USP22: variants seen among roughly 807,000 people sequenced by gnomAD.
USP22 encodes ubiquitin carboxyl-terminal hydrolase 22.
USP22 carries 22 observed loss-of-function variants against 68.1 expected under a neutral mutation model. The ratio of observed to expected loss-of-function variants is 0.32; its 90% CI spans 0.23 to 0.46. The LOEUF is 0.46. Ranked by LOEUF, USP22 falls within the 20% of genes least tolerant of loss-of-function variation. The pLI, the probability that USP22 is intolerant of heterozygous loss-of-function variation, is 1.00. For synonymous variants in USP22, 279 were observed against 274.2 expected (o/e 1.02, Z -0.17); for missense variants, 433 against 695.8 (o/e 0.62, Z 4.25).
intron 4 of USP22, among the ~76,000 whole-genome samples, chr17:21,018,781 T>C (rs149801269): frequency 6.6e-6 from 1 of 152,306 alleles, no homozygotes; most frequent in East Asian, 1.9e-4. Flanking sequence ...ACACATCATT[T>C]CTCTCCCTGA....
intron 2 of USP22, among the ~76,000 whole-genome samples, chr17:21,026,844 C>A (rs990148521): frequency 2.7e-5 from 4 of 150,918 alleles, no homozygotes; most frequent in African/African-American, 9.8e-5. Flanking sequence ...CTGTGTTGTC[C>A]AGGCTGGAGT....
At chr17:21,029,134 G>A (rs1156886984) in intron 1 of USP22, among the ~76,000 whole-genome samples, 1 of 152,184 alleles carries the variant, frequency 6.6e-6, no homozygotes, top group African/African-American at 2.4e-5. Flanking sequence ...ATGTACAGAA[G>A]AAAGAAAAAG....
rs1038932014 is a variant in USP22, at chr17:21,001,719, C to G, written c.*1312G>C. 18 of 152,336 alleles carry G rather than the reference C, an allele frequency of 1.2e-4. No individual in the cohort carries two copies. The South Asian group carries it at 1.2e-3, about 11-fold the overall frequency. 9.4% of individuals were successfully genotyped at this position (152,336 alleles called of 1,614,324 possible). ...TGGGACAAGCACAGCCCGAGACACA[C>G]TTGCTTCATAAACTGTATTTCAGTA... On this transcript the variant is annotated 3_prime_UTR_variant, in exon 13 of 13. Transcript: ENST00000261497.
At chr17:21,030,420 G>A (rs969944436) in intron 1 of USP22, among the ~76,000 whole-genome samples, 3 of 151,980 alleles carry the variant, frequency 2.0e-5, no homozygotes, top group Non-Finnish European at 4.4e-5. Flanking sequence ...GCATGCACAC[G>A]TGTACTTGTG....
intron 6 of USP22, among the ~76,000 whole-genome samples, chr17:21,015,207 G>A (rs953564857): frequency 5.9e-5 from 9 of 152,184 alleles, no homozygotes; most frequent in Non-Finnish European, 1.2e-4. Context: ...AATCATCAGG[G>A]TACCACCCTG....
chr17:21,020,999 T>G, intron 3 of USP22, 114 bp downstream of exon 3: 1 of 802,008 alleles, frequency 1.2e-6, no homozygotes, highest in Non-Finnish European at 2.1e-6. Context: ...GACGGCCTCT[T>G]CCCACCAGCC....
chr17:21,017,213 CAT>C (rs1350343406), intron 5 of USP22, among the ~76,000 whole-genome samples: 1 of 152,236 alleles, frequency 6.6e-6, no homozygotes, highest in Non-Finnish European at 1.5e-5. Context: ...ACCAGACAGA[CAT>C]GAGTGAGCTG....
At chr17:21,030,368 TTG>T (rs3047596) in intron 1 of USP22, among the ~76,000 whole-genome samples, 47 of 150,842 alleles carry the variant, frequency 3.1e-4, no homozygotes, top group Middle Eastern at 3.4e-3. Flanking sequence ...CTCAGGCCGC[TTG>T]TGTGTGTGTG....
rs1315570761 is a variant in USP22, at chr17:21,001,890, G to A, written c.*1141C>T. 6.6e-6 allele frequency: 1 copy of A among 152,206 alleles called. No individual in the cohort carries two copies. Among genetic ancestry groups the A allele is most frequent in the Non-Finnish European group, 1.5e-5 (1 of 68,042 alleles). The allele number at this position is 152,206 out of a possible 1,614,324, so 9.4% of individuals were successfully genotyped here. A position where few individuals can be genotyped will look rare whatever the true frequency, so the allele number is the denominator to read the frequency against. On this transcript the variant is annotated 3_prime_UTR_variant, in exon 13 of 13. Transcript: ENST00000261497. ...TTCTACTTTCTCTTTCAGCTCTGCT[G>A]ACAAGCTCAATCACGGTGTCATTTT...
rs556679286 is a variant in USP22, at chr17:21,004,057, T to C, written c.1535+145A>G. On this transcript the variant is annotated intron_variant, in intron 12 of 12. Coordinates refer to ENST00000261497, the MANE Select transcript of USP22 (RefSeq NM_015276.2). ...TGAGCACCCATCGAGGCTGGCATCC[T>C]ATCCAGAACAGGCTTCATTACTTCG... is the stretch of plus-strand genomic sequence containing the variant. 3.4e-6 allele frequency: 4 copies of C among 1,186,048 alleles called. No individual in the cohort carries two copies. In the East Asian group the frequency reaches 1.0e-4, roughly 30 times the overall value. The allele number at this position is 1,186,048 out of a possible 1,614,324, so 73.5% of individuals were successfully genotyped here.
chr17:21,014,013 G>C (rs181701189), intron 6 of USP22, among the ~76,000 whole-genome samples: 48 of 152,372 alleles, frequency 3.2e-4, no homozygotes, highest in Non-Finnish European at 2.9e-4. Context: ...GGCGGAGGTT[G>C]CAGTGAGCTG....
At chr17:21,039,198 G>T (rs1049342143) in intron 1 of USP22, among the ~76,000 whole-genome samples, 2 of 151,780 alleles carry the variant, frequency 1.3e-5, no homozygotes, top group African/African-American at 4.8e-5. Flanking sequence ...TGATCCGCCC[G>T]CCTCGGCCTC....
intron 2 of USP22, among the ~76,000 whole-genome samples, chr17:21,023,065 C>G (rs1044274883): frequency 2.0e-5 from 3 of 152,136 alleles, no homozygotes; most frequent in African/African-American, 7.2e-5. Flanking sequence ...CCTTAGAAAA[C>G]TAACATAGGA....
intron 6 of USP22, among the ~76,000 whole-genome samples, chr17:21,013,793 G>A (rs1426923923): frequency 6.6e-6 from 1 of 152,234 alleles, no homozygotes; most frequent in African/African-American, 2.4e-5. Flanking sequence ...TGAACAGAAT[G>A]GCCAGGCGCG....
intron 8 of USP22, among the ~76,000 whole-genome samples, chr17:21,008,268 T>G (rs1476333643): frequency 6.6e-6 from 1 of 152,152 alleles, no homozygotes; most frequent in Non-Finnish European, 1.5e-5. Context: ...GCAGTTGAAT[T>G]TGAGCCAGAG....
intron 3 of USP22, 53 bp from the exon 4 acceptor site, chr17:21,019,238 G>C (rs1972124727): frequency 3.2e-6 from 5 of 1,558,050 alleles, no homozygotes; most frequent in Non-Finnish European, 4.4e-6. Context: ...TTCACATCAA[G>C]TGTGTTTACA....
intron 1 of USP22, among the ~76,000 whole-genome samples, chr17:21,042,005 C>G (rs1972439588): frequency 6.6e-6 from 1 of 152,190 alleles, no homozygotes; most frequent in Non-Finnish European, 1.5e-5. Context: ...CTCGCGGGCC[C>G]CGAGGCAGCC....
chr17:21,020,903 GCAGCT>G (rs1972148791), intron 3 of USP22, among the ~76,000 whole-genome samples: 1 of 152,180 alleles, frequency 6.6e-6, no homozygotes, highest in Non-Finnish European at 1.5e-5. Context: ...AAGCACACGG[GCAGCT>G]ATGCATGCCT....
chr17:21,024,049 G>C (rs1277474431), intron 2 of USP22, among the ~76,000 whole-genome samples: 1 of 152,192 alleles, frequency 6.6e-6, no homozygotes, highest in Non-Finnish European at 1.5e-5. Context: ...AGCAGTTTAA[G>C]ATTCCCAGGG....
Sources: gnomAD v4.1 joint callset for allele counts (sites outside exome capture counted in the v4.1 genomes callset) on GRCh38, gnomAD v4.1.1 for gene constraint, MANE v1.5 for transcripts, NCBI Gene and HGNC (gene_info 2026-07-23, HGNC 2026-07-21) for gene names.